The following SYNE1 variants were observed in gnomAD, a reference collection of about 807,000 sequenced individuals.
SYNE1 encodes the protein nesprin-1.
SYNE1 carries 616 observed loss-of-function variants against 1,111.0 expected under a neutral mutation model. The observed-to-expected ratio is 0.55, with a 90% CI of 0.52 to 0.59. The LOEUF (loss-of-function observed/expected upper bound fraction) is 0.59, where lower values mean the gene tolerates loss of function less well. Ranked by LOEUF, SYNE1 falls within the 20% of genes least tolerant of loss-of-function variation. SYNE1 has a pLI of 0.00. For synonymous variants in SYNE1, 3,855 were observed against 3,825.8 expected, an observed-to-expected ratio of 1.01 and a Z score of -0.28; for missense variants, 10,006 against 10,417.0, an observed-to-expected ratio of 0.96 and a Z score of 1.72.
intron 87 of SYNE1, among the ~76,000 whole-genome samples, chr6:152,311,834 G>A (rs552976440): frequency 6.6e-6 from 1 of 151,386 alleles, no homozygotes; most frequent in South Asian, 2.1e-4. Context: ...GGAGTGCAGT[G>A]GCGCAATCTC....
chr6:152,360,590 C>T (rs1030829685), intron 64 of SYNE1, among the ~76,000 whole-genome samples: 6 of 151,996 alleles, frequency 3.9e-5, no homozygotes, highest in African/African-American at 1.5e-4. Flanking sequence ...TTTATTTGTA[C>T]ATTTATTACT....
intron 42 of SYNE1, among the ~76,000 whole-genome samples, chr6:152,412,337 T>C (rs1180634875): frequency 6.7e-6 from 1 of 149,210 alleles, no homozygotes; most frequent in African/African-American, 2.5e-5. Flanking sequence ...GGCAGGAGAA[T>C]GGCGTGAACC....
chr6:152,321,877 C>G lies in SYNE1; in HGVS notation c.15927G>C (p.Glu5309Asp), dbSNP rs2095875779. The G allele has an allele frequency of 6.2e-7, 1 of 1,613,928 alleles. No individual in the cohort carries two copies. The highest frequency in any genetic ancestry group is 1.3e-5 in the African/African-American group (1 of 74,912). Residue 5309 changes from glutamate to aspartate, a missense_variant, in exon 83 of 146, where the codon GAG becomes GAC. Glu to Asp is a conservative substitution (Grantham distance 45). Coordinates refer to ENST00000367255, the MANE Select transcript of SYNE1 (RefSeq NM_182961.4). The part of the protein sequence containing the change: ...AMQDRCLNMQ[E>D]KVKTNGKLVK... ...CCAACTTTCCATTAGTCTTCACTTT[C>G]TCCTGCATGCTTCAGAAACATTACA...
intron 123 of SYNE1, among the ~76,000 whole-genome samples, chr6:152,212,786 C>T (rs2077771813): frequency 6.6e-6 from 1 of 152,116 alleles, no homozygotes; most frequent in African/African-American, 2.4e-5. Flanking sequence ...ACACCCTCAC[C>T]AAAATTTGTT....
At chr6:152,371,580 T>TGAGAGGGGAGGGGAG (rs1354771340) in intron 59 of SYNE1, among the ~76,000 whole-genome samples, 2 of 108,684 alleles carry the variant, frequency 1.8e-5, no homozygotes, top group Non-Finnish European at 1.8e-5. Flanking sequence ...AGAAAGGAGA[T>TGAGAGGGGAGGGGAG]GAGAGGGGAG....
At chr6:152,456,405 A>G (rs17082710) in intron 22 of SYNE1, among the ~76,000 whole-genome samples, 4,352 of 152,178 alleles carry the variant, frequency 0.029, 86 homozygotes, top group Admixed American at 0.033. Flanking sequence ...GAGAACAATC[A>G]TGAAATCAAT....
chr6:152,323,861 T>A (rs1590069855), intron 81 of SYNE1, 124 bp from the exon 82 acceptor site: 3 of 1,184,814 alleles, frequency 2.5e-6, no homozygotes, highest in East Asian at 2.5e-5. Context: ...AAATTCCACA[T>A]GTTAGGAAAC....
At chr6:152,175,431 A>G (rs1318050356) in intron 130 of SYNE1, among the ~76,000 whole-genome samples, 2 of 152,224 alleles carry the variant, frequency 1.3e-5, no homozygotes, top group Non-Finnish European at 2.9e-5. Flanking sequence ...TTTATGCAGC[A>G]CGGCTAAGGA....
chr6:152,438,414 G>C (rs2098496293), intron 32 of SYNE1, among the ~76,000 whole-genome samples: 1 of 152,172 alleles, frequency 6.6e-6, no homozygotes, highest in Non-Finnish European at 1.5e-5. Context: ...GCATAATGCA[G>C]AGAAATCGAA....
chr6:152,528,218 A>T (rs1297237883), intron 4 of SYNE1, among the ~76,000 whole-genome samples: 1 of 152,132 alleles, frequency 6.6e-6, no homozygotes, highest in Non-Finnish European at 1.5e-5. Context: ...CATGACTCTT[A>T]AATCCAGGTA....
chr6:152,351,466 T>C (rs1372214614), intron 70 of SYNE1, among the ~76,000 whole-genome samples: 1 of 152,228 alleles, frequency 6.6e-6, no homozygotes, highest in Non-Finnish European at 1.5e-5. Flanking sequence ...CTTGCATAAT[T>C]GCTTCAAAAA....
intron 72 of SYNE1, 88 bp downstream of exon 72, chr6:152,350,080 C>A: frequency 6.8e-7 from 1 of 1,480,920 alleles, no homozygotes; most frequent in Admixed American, 1.7e-5. Flanking sequence ...GTGTGTGCAC[C>A]CCCACACATG....
chr6:152,507,767 C>T (rs1305462427), intron 8 of SYNE1, among the ~76,000 whole-genome samples: 2 of 152,056 alleles, frequency 1.3e-5, no homozygotes, highest in Non-Finnish European at 2.9e-5. Flanking sequence ...ATAAATGTGA[C>T]AATAGTTATG....
chr6:152,338,102 T>C (rs550889318), intron 75 of SYNE1, among the ~76,000 whole-genome samples: 39 of 151,906 alleles, frequency 2.6e-4, no homozygotes, highest in Non-Finnish European at 4.7e-4. Context: ...GAGCCAAAAT[T>C]GCGCCACTGT....
At position 152,367,369 on chromosome 6, in the gene SYNE1, C is replaced by G; in HGVS notation, c.9821G>C (p.Arg3274Thr). Residue 3274 changes from arginine to threonine, a missense_variant, in exon 62 of 146, where the codon AGA becomes ACA. Transcript: ENST00000367255. The stretch of plus-strand genomic sequence containing the variant: ...GTGTTCTGCAACGATTCTATCCAGT[C>G]TTGACACTTTCTCCTGGAAATGACA... The part of the protein sequence containing the change: ...LSNLTKEKVS[R>T]LDRIVAEHNQ... 6.2e-7 allele frequency: 1 copy of G among 1,614,128 alleles called. No individual in the cohort carries two copies. Among genetic ancestry groups the G allele is most frequent in the South Asian group, 1.1e-5 (1 of 91,076 alleles).
chr6:152,577,610 G>A (rs1453917494), intron 3 of SYNE1, among the ~76,000 whole-genome samples: 1 of 152,036 alleles, frequency 6.6e-6, no homozygotes. Flanking sequence ...TCCAGCCTGG[G>A]GGACAGAGCG....
rs2095948580 is a variant in SYNE1 at position 152,323,525 on chromosome 6, C to T, written c.15870G>A (p.Glu5290=). ...CGGTGATTTCCTGCATGAGCGGAGG[C>T]TCTTCCCCAGGGGTTGGGGCGGCTC... is the stretch of plus-strand genomic sequence containing the variant. The part of the protein sequence containing the change: ...QDGAAPTPGE[E]PPLMQEITAM... The change falls in exon 82 of 146, where the codon GAG becomes GAA. Residue 5290 remains glutamate, a synonymous_variant. Coordinates refer to ENST00000367255, the MANE Select transcript of SYNE1 (RefSeq NM_182961.4). 6.2e-7 allele frequency: 1 copy of T among 1,614,006 alleles called. No individual in the cohort carries two copies. The highest frequency in any genetic ancestry group is 1.7e-5 in the Admixed American group (1 of 60,006).
chr6:152,220,521 C>T (rs1404856154), intron 119 of SYNE1, among the ~76,000 whole-genome samples: 2 of 152,120 alleles, frequency 1.3e-5, no homozygotes, highest in Non-Finnish European at 2.9e-5. Flanking sequence ...AAAGATAGAA[C>T]ACTATTCCCC....
In SYNE1 at chr6:152,567,399, TCCTAA is replaced by T. The variant is rs541083211; in HGVS notation, c.68-27383_68-27379del. 5.7e-3 allele frequency among the ~76,000 whole-genome samples: 863 copies of T among 152,318 alleles called. 16 individuals carry two copies. Among genetic ancestry groups the T allele is most frequent in the African/African-American group, 0.02 (825 of 41,574 alleles). On this transcript the variant is annotated intron_variant, in intron 3 of 145. Transcript: ENST00000367255. Reference sequence around the variant, plus strand: ...TATAAAACTGTACGTTATTTTGTTTTCCTAACCTACACAGTGCTTACATGTTTCTT... The same window carrying T: ...TATAAAACTGTACGTTATTTTGTTTTCCTACACAGTGCTTACATGTTTCTT...
Sources: allele counts gnomAD v4.1 joint callset (sites outside exome capture counted in the v4.1 genomes callset), GRCh38; gene constraint gnomAD v4.1.1; transcripts MANE v1.5; gene names NCBI Gene and HGNC (gene_info 2026-07-23, HGNC 2026-07-21).